Variants in TMPRSS6 observed in about 807,000 individuals in gnomAD.
TMPRSS6 encodes the protein transmembrane protease serine 6.
In TMPRSS6, 67 loss-of-function variants were observed where a neutral mutation model predicts 101.5. That is an observed-to-expected ratio of 0.66 (90% CI 0.54 to 0.81). The LOEUF is 0.81. Ranked by LOEUF, TMPRSS6 falls within the 30% of genes least tolerant of loss-of-function variation. TMPRSS6 has a pLI of 0.00. For synonymous variants in TMPRSS6, 453 were observed against 464.9 expected (o/e 0.97, Z 0.33); for missense variants, 1,034 against 1,088.7 (o/e 0.95, Z 0.71).
chr22:37,076,832 C>T (rs1380596031), intron 10 of TMPRSS6, among the ~76,000 whole-genome samples: 2 of 152,174 alleles, frequency 1.3e-5, no homozygotes, highest in African/African-American at 4.8e-5. Context: ...TGAAAATCTG[C>T]AGGGAGAGCT....
chr22:37,066,815 G>A lies in TMPRSS6; in HGVS notation c.2250+11C>T, dbSNP rs763050048. On this transcript the variant is annotated intron_variant, in intron 17 of 17. Coordinates refer to ENST00000676104, the MANE Select transcript of TMPRSS6 (RefSeq NM_001374504.1). ...TCCCTCCTCTCTCCCTCCCATGCCC[G>A]GGGGACTCACCTGACAGGCATCCTT... The A allele has an allele frequency of 5.6e-5, 90 of 1,613,938 alleles. No individual in the cohort carries two copies. Among genetic ancestry groups the A allele is most frequent in the East Asian group, 8.9e-5 (4 of 44,892 alleles).
Position 37,066,011 on chromosome 22 carries a change from C to G in TMPRSS6, c.*69G>C. ...CACCCCCCGCCAGAATACTTGTCCCCCTGCTTGGCAGTTGCCCTGGGCTCT... is the reference window on the plus strand; with the variant it reads ...CACCCCCCGCCAGAATACTTGTCCCGCTGCTTGGCAGTTGCCCTGGGCTCT... On this transcript the variant is annotated 3_prime_UTR_variant, in exon 18 of 18. Coordinates refer to ENST00000676104, the MANE Select transcript of TMPRSS6 (RefSeq NM_001374504.1). The G allele has an allele frequency of 6.2e-7, 1 of 1,604,720 alleles. No individual in the cohort carries two copies. The highest frequency in any genetic ancestry group is 1.1e-5 in the South Asian group (1 of 90,718).
Position 37,101,456 on chromosome 22 carries a change from C to T in TMPRSS6, c.202+1760G>A, listed in dbSNP as rs1271173901. ...TCTCCTCGGGCCAGGCTGTCCTCCT[C>T]GCTTGGGGCCTGTCCTGCTCCAGTG... On this transcript the variant is annotated intron_variant, in intron 2 of 17. Coordinates refer to ENST00000676104, the MANE Select transcript of TMPRSS6 (RefSeq NM_001374504.1). The surrounding 1 kb of genome is among the most constrained non-coding windows in gnomAD (Gnocchi z 4.1). 2.0e-5 allele frequency among the ~76,000 whole-genome samples: 3 copies of T among 152,228 alleles called. No individual in the cohort carries two copies. The highest frequency in any genetic ancestry group is 2.9e-5 in the Non-Finnish European group (2 of 67,982).
chr22:37,081,115 G>T (rs570912755), intron 10 of TMPRSS6, among the ~76,000 whole-genome samples: 6 of 152,378 alleles, frequency 3.9e-5, no homozygotes, highest in Non-Finnish European at 5.9e-5. Context: ...ACAGGCACCT[G>T]CTTCCTCGCT....
chr22:37,095,569 C>A lies in TMPRSS6; in HGVS notation c.613G>T (p.Ala205Ser), dbSNP rs773564765. ...ILEASVKDIA[A>S]LNSTLGCYRY... ...AGCGTACCCAGCGTGGAATTCAATG[C>A]AGCTATGTCTTTCACACTGGCTTCT... The change falls in exon 6 of 18, where the codon GCA (alanine) becomes TCA (serine). Residue 205 changes from alanine (A) to serine (S), a missense_variant. Physicochemically the swap from Ala to Ser is moderately conservative, Grantham distance 99. Transcript: ENST00000676104. 1 of 1,610,302 alleles carries A rather than the reference C, an allele frequency of 6.2e-7. No homozygotes were observed. Among genetic ancestry groups the A allele is most frequent in the South Asian group, 1.1e-5 (1 of 90,836 alleles).
intron 6 of TMPRSS6, among the ~76,000 whole-genome samples, chr22:37,091,248 G>A (rs545877025): frequency 5.3e-5 from 8 of 152,298 alleles, no homozygotes; most frequent in African/African-American, 1.4e-4. Flanking sequence ...GAGCCAGTGG[G>A]GATTTAGGAA....
chr22:37,088,929 G>A (rs978522791), intron 7 of TMPRSS6, among the ~76,000 whole-genome samples: 4 of 152,298 alleles, frequency 2.6e-5, no homozygotes, highest in East Asian at 1.9e-4. Context: ...CTTAGGGCAC[G>A]CAGCTAGGAG....
Position 37,070,906 on chromosome 22 carries a change from C to T in TMPRSS6, c.1672+10G>A, listed in dbSNP as rs755587050. On this transcript the variant is annotated intron_variant, in intron 14 of 17. Transcript: ENST00000676104. The stretch of plus-strand genomic sequence containing the variant: ...AAGCTCCAGGGCCCCGGCAGCCAGG[C>T]AGGGCTCACCACAGTGCTCCTCATC... 5.0e-6 allele frequency: 8 copies of T among 1,612,198 alleles called. No individual in the cohort carries two copies. The South Asian group carries it at 8.8e-5, about 18-fold the overall frequency.
Position 37,109,516 on chromosome 22 carries a change from A to C in TMPRSS6, c.-15T>G, listed in dbSNP as rs1040548392. 6.6e-6 allele frequency: 1 copy of C among 152,336 alleles called. No individual in the cohort carries two copies. The highest frequency in any genetic ancestry group is 1.9e-4 in the East Asian group (1 of 5,180). The allele number at this position is 152,336 out of a possible 1,614,324, so 9.4% of individuals were successfully genotyped here. On this transcript the variant is annotated 5_prime_UTR_variant, in exon 1 of 18. Transcript: ENST00000676104. Reference sequence around the variant, plus strand: ...GCCCCCGCTTACCTTTGGGAGCGGCAGATAGGTGCCGGGCCTGCACACAGG... The same window carrying C: ...GCCCCCGCTTACCTTTGGGAGCGGCCGATAGGTGCCGGGCCTGCACACAGG...
In TMPRSS6 at chr22:37,086,917, G is replaced by A. The variant is rs5995377; in HGVS notation, c.837-498C>T. On this transcript the variant is annotated intron_variant, in intron 7 of 17. Coordinates refer to ENST00000676104, the MANE Select transcript of TMPRSS6 (RefSeq NM_001374504.1). ...CCCAGAAATCTGCCCAGAGCTTGGC[G>A]CCTGGGAGGCTCGGAACAAATAACC... Among the ~76,000 whole-genome samples, 1,426 of 152,292 alleles carry A rather than the reference G, an allele frequency of 9.4e-3. 27 individuals are homozygous for A. Among genetic ancestry groups the A allele is most frequent in the African/African-American group, 0.032 (1,317 of 41,554 alleles).
rs1045321403 is a variant in TMPRSS6, at chr22:37,101,560, C to A, written c.202+1656G>T. 6.6e-6 allele frequency among the ~76,000 whole-genome samples: 1 copy of A among 152,052 alleles called. No individual in the cohort carries two copies. The highest frequency in any genetic ancestry group is 1.9e-4 in the East Asian group (1 of 5,172). ...TCCACTTCCTTGCCCAGCGCCCAGT[C>A]CCAGGAGCACAGCCTGGTCAAGGCG... is the stretch of plus-strand genomic sequence containing the variant. On this transcript the variant is annotated intron_variant, in intron 2 of 17. Transcript: ENST00000676104. The surrounding 1 kb of genome is among the most constrained non-coding windows in gnomAD (Gnocchi z 4.1).
At chr22:37,087,489 C>T (rs1928878776) in intron 7 of TMPRSS6, among the ~76,000 whole-genome samples, 1 of 152,220 alleles carries the variant, frequency 6.6e-6, no homozygotes, top group African/African-American at 2.4e-5. Context: ...CCCCAAGGGT[C>T]TCCCTGGGAG....
chr22:37,078,511 C>T (rs1009222787), intron 10 of TMPRSS6, among the ~76,000 whole-genome samples: 1 of 152,112 alleles, frequency 6.6e-6, no homozygotes, highest in African/African-American at 2.4e-5. Flanking sequence ...CTGGAACAAG[C>T]GTCTGCTTAG....
rs546039437 is a variant in TMPRSS6, at chr22:37,107,906, C to T, written c.-2+1597G>A. Reference sequence around the variant, plus strand: ...GATATGCAAATATGTCATTTATCTGCCTCCTCCCTGTCTGTAAGCTGCATG... The same window carrying T: ...GATATGCAAATATGTCATTTATCTGTCTCCTCCCTGTCTGTAAGCTGCATG... On this transcript the variant is annotated intron_variant, in intron 1 of 17. Transcript: ENST00000676104. Among the ~76,000 whole-genome samples, 3 of 152,316 alleles carry T rather than the reference C, an allele frequency of 2.0e-5. No homozygotes were observed. In the South Asian group the frequency reaches 6.2e-4, roughly 32 times the overall value.
At chr22:37,070,353 T>TCA (rs1270623201) in intron 15 of TMPRSS6, 131 bp downstream of exon 15, 1 of 1,224,238 alleles carries the variant, frequency 8.2e-7, no homozygotes, top group African/African-American at 1.5e-5. Flanking sequence ...AGAACTCACA[T>TCA]CACAGTAGCC....
chr22:37,088,278 T>A (rs953638602), intron 7 of TMPRSS6, among the ~76,000 whole-genome samples: 1 of 151,468 alleles, frequency 6.6e-6, no homozygotes, highest in African/African-American at 2.4e-5. Flanking sequence ...GCAGGAGGGG[T>A]GACAAGGAGA....
chr22:37,103,595 A>C lies in TMPRSS6; in HGVS notation c.-1-177T>G. 2 of 1,611,942 alleles carry C rather than the reference A, an allele frequency of 1.2e-6. No individual in the cohort carries two copies. The highest frequency in any genetic ancestry group is 1.1e-5 in the South Asian group (1 of 91,046). On this transcript the variant is annotated intron_variant, in intron 1 of 17. Coordinates refer to ENST00000676104, the MANE Select transcript of TMPRSS6 (RefSeq NM_001374504.1). The surrounding 1 kb of genome is among the most constrained non-coding windows in gnomAD (Gnocchi z 4.4). ...GACAGCTCACAGAGGAGGGAAGTGC[A>C]TCTCAGGTCAGCTCGCACCAGAGGG...
Position 37,069,032 on chromosome 22 carries a change from C to A in TMPRSS6, c.2113+41G>T. Reference sequence around the variant, plus strand: ...CCAGGTGTTACGGCGCAGATCCGCACGGTCTCCCTCCGCCTCCCGCCGCAA... The same window carrying A: ...CCAGGTGTTACGGCGCAGATCCGCAAGGTCTCCCTCCGCCTCCCGCCGCAA... On this transcript the variant is annotated intron_variant, in intron 16 of 17. Transcript: ENST00000676104. This position sits in a 1 kb window ranked among gnomAD's most constrained non-coding sequence, Gnocchi z 4.8. 6.5e-7 allele frequency: 1 copy of A among 1,533,044 alleles called. No individual in the cohort carries two copies. The highest frequency in any genetic ancestry group is 8.7e-7 in the Non-Finnish European group (1 of 1,146,098). 95.0% of individuals were successfully genotyped at this position (1,533,044 alleles called of 1,614,324 possible).
rs776790154 is a variant in TMPRSS6 at position 37,073,629 on chromosome 22, G to C, written c.1458C>G (p.Phe486Leu). The C allele has an allele frequency of 5.6e-6, 9 of 1,613,696 alleles. No homozygotes were observed. The highest frequency in any genetic ancestry group is 7.6e-6 in the Non-Finnish European group (9 of 1,179,590). Residue 486 changes from phenylalanine (F) to leucine (L), a missense_variant, in exon 13 of 18, where the codon TTC (phenylalanine) becomes TTG (leucine). Physicochemically the swap from Phe to Leu is conservative, Grantham distance 22. Coordinates refer to ENST00000676104, the MANE Select transcript of TMPRSS6 (RefSeq NM_001374504.1). ...TGCATGTGCTGTCCTCTTTGCACTG[G>C]AATGTGGCTCTGCAAACTGTGTGGG... Reference protein sequence around the residue: ...DERNCVCRATFQCKEDSTCIS... With the variant: ...DERNCVCRATLQCKEDSTCIS...
Sources: allele counts gnomAD v4.1 joint callset (sites outside exome capture counted in the v4.1 genomes callset), GRCh38; gene constraint gnomAD v4.1.1; non-coding constraint Gnocchi (gnomAD v3.1); transcripts MANE v1.5; gene names NCBI Gene and HGNC (gene_info 2026-07-23, HGNC 2026-07-21).